The following TMEM131 variants were observed in gnomAD, a reference collection of about 807,000 sequenced individuals.
TMEM131 encodes the protein transmembrane protein 131, also known as 2610524E03Rik.
TMEM131 carries 66 observed loss-of-function variants against 211.6 expected under a neutral mutation model. The observed-to-expected ratio is 0.31, with a 90% CI of 0.26 to 0.38. The LOEUF (loss-of-function observed/expected upper bound fraction) is 0.38, where lower values mean the gene tolerates loss of function less well. Among genes scored for constraint, TMEM131 ranks in the 10% least tolerant of loss-of-function variants. The pLI is 1.00. For missense variants in TMEM131, 2,036 were observed against 2,299.3 expected (o/e 0.89, Z 2.34); for synonymous variants, 844 against 841.3 (o/e 1.00, Z -0.06).
intron 4 of TMEM131, among the ~76,000 whole-genome samples, chr2:97,873,049 A>C (rs186737102): frequency 6.6e-6 from 1 of 152,122 alleles, no homozygotes; most frequent in South Asian, 2.1e-4. Context: ...GTGACAATGG[A>C]GCTTGGTGGG....
intron 3 of TMEM131, among the ~76,000 whole-genome samples, chr2:97,890,474 C>A (rs1354068290): frequency 6.6e-6 from 1 of 152,172 alleles, no homozygotes; most frequent in Non-Finnish European, 1.5e-5. Context: ...GATACACAGT[C>A]ATGACATGGG....
intron 2 of TMEM131, among the ~76,000 whole-genome samples, chr2:97,920,509 T>C (rs1676695182): frequency 6.6e-6 from 1 of 152,324 alleles, no homozygotes; most frequent in South Asian, 2.1e-4. Context: ...AGAAATGTCA[T>C]CAAGCTCAGA....
At chr2:97,976,959 G>GC (rs60955936) in intron 1 of TMEM131, among the ~76,000 whole-genome samples, 2,209 of 43,630 alleles carry the variant, frequency 0.051, 79 homozygotes, top group East Asian at 0.17. Context: ...TTATTTATAT[G>GC]CAAAAAAAAA....
At position 97,802,437 on chromosome 2, in the gene TMEM131, A is replaced by G. The variant is rs1357160413; in HGVS notation, c.2642T>C (p.Leu881Ser). 1.9e-6 allele frequency: 3 copies of G among 1,602,706 alleles called. No individual in the cohort carries two copies. In the African/African-American group the frequency reaches 4.0e-5, roughly 22 times the overall value. ...YSNPSVFVDKLVSRFNLSKVA... is the reference protein window; with the variant it reads ...YSNPSVFVDKSVSRFNLSKVA... ...CCCAAGCAATACTTACCTTGATACT[A>G]ACTTATCTACAAACACTGAAGGGTT... The change falls in exon 24 of 41, where the codon TTA (leucine) becomes TCA (serine). Residue 881 changes from leucine to serine, a missense_variant. Coordinates refer to ENST00000186436, the MANE Select transcript of TMEM131 (RefSeq NM_015348.2).
intron 25 of TMEM131, among the ~76,000 whole-genome samples, chr2:97,800,466 T>G (rs1680974268): frequency 1.3e-5 from 2 of 151,784 alleles, no homozygotes. Flanking sequence ...AAAAGCAGAG[T>G]GGGCCGGGCA....
chr2:97,756,596 T>A lies in TMEM131; in HGVS notation c.*503A>T, dbSNP rs1298147571. ...ATCTGCTTTTAAACCAAGACAGCCT[T>A]ACTTTAAAAAAATACTCTATTTTCA... On this transcript the variant is annotated 3_prime_UTR_variant, in exon 41 of 41. Coordinates refer to ENST00000186436, the MANE Select transcript of TMEM131 (RefSeq NM_015348.2). The A allele has an allele frequency of 1.3e-5, 2 of 152,366 alleles. No homozygotes were observed. The highest frequency in any genetic ancestry group is 2.4e-5 in the African/African-American group (1 of 41,468). 9.4% of individuals were successfully genotyped at this position (152,366 alleles called of 1,614,324 possible). A position where few individuals can be genotyped will look rare whatever the true frequency, so the allele number is the denominator to read the frequency against.
intron 31 of TMEM131, among the ~76,000 whole-genome samples, chr2:97,785,094 G>GT (rs956021369): frequency 6.6e-6 from 1 of 152,092 alleles, no homozygotes; most frequent in African/African-American, 2.4e-5. Flanking sequence ...GAACAGCCCT[G>GT]TAACTATTAG....
intron 31 of TMEM131, among the ~76,000 whole-genome samples, chr2:97,781,052 T>C (rs538331727): frequency 6.6e-6 from 1 of 152,332 alleles, no homozygotes; most frequent in African/African-American, 2.4e-5. Context: ...CCTCACCTAC[T>C]GAGGTCATGC....
At chr2:97,878,385 A>G (rs576549550) in intron 4 of TMEM131, among the ~76,000 whole-genome samples, 1 of 152,370 alleles carries the variant, frequency 6.6e-6, no homozygotes, top group East Asian at 1.9e-4. Context: ...ATTCTACTAT[A>G]AAGACACATG....
At chr2:97,977,965 C>T (rs1242500298) in intron 1 of TMEM131, among the ~76,000 whole-genome samples, 2 of 152,034 alleles carry the variant, frequency 1.3e-5, no homozygotes, top group Non-Finnish European at 2.9e-5. Flanking sequence ...GGGGCGCCTG[C>T]AATCCCAGCT....
At position 97,809,878 on chromosome 2, in the gene TMEM131, T is replaced by C. The variant is rs551476408; in HGVS notation, c.1969-104A>G. The C allele has an allele frequency of 7.4e-5, 60 of 809,198 alleles. No homozygotes were observed. The East Asian group carries it at 1.2e-3, about 16-fold the overall frequency. The allele number at this position is 809,198 out of a possible 1,614,324, so 50.1% of individuals were successfully genotyped here. A position where few individuals can be genotyped will look rare whatever the true frequency, so the allele number is the denominator to read the frequency against. ...GGTTAACCTAATTTTGGGACTAATA[T>C]TGACAATAACCAGCTCCATACCAAT... On this transcript the variant is annotated intron_variant, in intron 18 of 40. Coordinates refer to ENST00000186436, the MANE Select transcript of TMEM131 (RefSeq NM_015348.2).
intron 18 of TMEM131, 53 bp downstream of exon 18, chr2:97,811,075 G>T: frequency 8.1e-7 from 1 of 1,237,468 alleles, no homozygotes; most frequent in South Asian, 1.2e-5. Flanking sequence ...GACAAGAAAG[G>T]ACTGACTTAT....
intron 2 of TMEM131, among the ~76,000 whole-genome samples, chr2:97,913,738 C>T (rs1379853203): frequency 6.6e-6 from 1 of 152,124 alleles, no homozygotes; most frequent in Non-Finnish European, 1.5e-5. Flanking sequence ...GTGCACACGG[C>T]ATGGATGCTT....
intron 5 of TMEM131, among the ~76,000 whole-genome samples, chr2:97,854,469 C>T (rs999926298): frequency 2.0e-5 from 3 of 152,174 alleles, no homozygotes; most frequent in African/African-American, 7.2e-5. Flanking sequence ...CTTCCACGTA[C>T]CACTCTGGTC....
At chr2:97,878,347 T>C (rs1197730792) in intron 4 of TMEM131, among the ~76,000 whole-genome samples, 3 of 152,234 alleles carry the variant, frequency 2.0e-5, no homozygotes, top group East Asian at 1.9e-4. Flanking sequence ...ATCTCATTAC[T>C]GGGTATATAC....
chr2:97,887,456 T>G (rs1675208577), intron 4 of TMEM131, among the ~76,000 whole-genome samples: 1 of 152,132 alleles, frequency 6.6e-6, no homozygotes, highest in South Asian at 2.1e-4. Flanking sequence ...TGTGGGGCTC[T>G]TTCTTAGGTG....
intron 4 of TMEM131, among the ~76,000 whole-genome samples, chr2:97,864,083 A>G (rs960833663): frequency 6.6e-6 from 1 of 152,220 alleles, no homozygotes; most frequent in African/African-American, 2.4e-5. Context: ...AACAACCTGG[A>G]TGGAGCTAGA....
At position 97,887,067 on chromosome 2, in the gene TMEM131, T is replaced by A. The variant is rs1465939280; in HGVS notation, c.359+985A>T. Among the ~76,000 whole-genome samples, 3 of 151,996 alleles carry A rather than the reference T, an allele frequency of 2.0e-5. No homozygotes were observed. In the East Asian group the frequency reaches 5.8e-4, roughly 30 times the overall value. ...GTGTCTGTTGGCTTGGGGTGACCCA[T>A]GGGGCTGTTTCTCAGGGTGGGGGTG... On this transcript the variant is annotated intron_variant, in intron 4 of 40. Coordinates refer to ENST00000186436, the MANE Select transcript of TMEM131 (RefSeq NM_015348.2).
At chr2:97,814,945 A>G (rs1681746994) in intron 13 of TMEM131, among the ~76,000 whole-genome samples, 2 of 152,196 alleles carry the variant, frequency 1.3e-5, no homozygotes, top group African/African-American at 4.8e-5. Flanking sequence ...AATATTTAAA[A>G]AATCAGATTT....
Sources: allele counts gnomAD v4.1 joint callset (sites outside exome capture counted in the v4.1 genomes callset), GRCh38; gene constraint gnomAD v4.1.1; transcripts MANE v1.5; gene names NCBI Gene and HGNC (gene_info 2026-07-23, HGNC 2026-07-21).